The following DMGDH variants were observed in gnomAD, a reference collection of about 807,000 sequenced individuals.
DMGDH encodes the protein dimethylglycine dehydrogenase, also known as dimethylglycine dehydrogenase, mitochondrial.
DMGDH carries 76 observed loss-of-function variants against 95.2 expected under a neutral mutation model. The ratio of observed to expected loss-of-function variants is 0.80; its 90% CI spans 0.66 to 0.97. The LOEUF (loss-of-function observed/expected upper bound fraction) is 0.97, where lower values mean the gene tolerates loss of function less well. Among genes scored for constraint, DMGDH ranks in the 50% least tolerant of loss-of-function variants. The pLI is 0.00. For missense variants in DMGDH, 987 were observed against 1,055.0 expected (o/e 0.94, Z 0.89); for synonymous variants, 345 against 377.6 (o/e 0.91, Z 1.00).
intron 7 of DMGDH, among the ~76,000 whole-genome samples, chr5:79,035,012 G>C (rs370908907): frequency 1.5e-5 from 2 of 135,502 alleles, no homozygotes; most frequent in South Asian, 2.3e-4. Context: ...AGCCGAGATC[G>C]CGCCACTGCA....
intron 15 of DMGDH, among the ~76,000 whole-genome samples, chr5:78,998,737 C>T (rs1753401816): frequency 6.6e-6 from 1 of 152,134 alleles, no homozygotes; most frequent in Non-Finnish European, 1.5e-5. Flanking sequence ...ATACTCTCAG[C>T]TAATCAGAAG....
intron 14 of DMGDH, among the ~76,000 whole-genome samples, chr5:79,016,427 T>A (rs1250000397): frequency 6.6e-6 from 1 of 152,190 alleles, no homozygotes; most frequent in Non-Finnish European, 1.5e-5. Flanking sequence ...TAAGACCAAT[T>A]GTATTTCTAT....
At chr5:79,047,117 C>T (rs1446070268) in intron 5 of DMGDH, among the ~76,000 whole-genome samples, 1 of 152,142 alleles carries the variant, frequency 6.6e-6, no homozygotes, top group Non-Finnish European at 1.5e-5. Context: ...GCTAGAGTTA[C>T]ACTTCAACTC....
At chr5:78,999,604 A>G (rs1237109045) in intron 15 of DMGDH, among the ~76,000 whole-genome samples, 1 of 152,222 alleles carries the variant, frequency 6.6e-6, no homozygotes, top group Non-Finnish European at 1.5e-5. Context: ...AAGTGCTGGG[A>G]TTACAGGCAT....
At chr5:79,034,226 G>A (rs1754275934) in intron 7 of DMGDH, among the ~76,000 whole-genome samples, 1 of 152,058 alleles carries the variant, frequency 6.6e-6, no homozygotes, top group Non-Finnish European at 1.5e-5. Context: ...TGTGCGCAAG[G>A]AACTTGAGCC....
At chr5:79,022,593 A>C (rs1368770580) in intron 14 of DMGDH, among the ~76,000 whole-genome samples, 1 of 152,208 alleles carries the variant, frequency 6.6e-6, no homozygotes, top group Non-Finnish European at 1.5e-5. Flanking sequence ...ATGAGAAACA[A>C]CAATTCAGAA....
At chr5:79,001,542 G>A (rs960969529) in intron 15 of DMGDH, among the ~76,000 whole-genome samples, 20 of 152,122 alleles carry the variant, frequency 1.3e-4, no homozygotes, top group Admixed American at 1.2e-3. Flanking sequence ...TGGGTTTGGA[G>A]CCCTGGAAGA....
intron 14 of DMGDH, among the ~76,000 whole-genome samples, chr5:79,011,353 A>AAACCC (rs1016676564): frequency 5.9e-5 from 9 of 152,230 alleles, no homozygotes; most frequent in Non-Finnish European, 1.2e-4. Flanking sequence ...ACCAAACCTT[A>AAACCC]AACCCAAGCT....
chr5:79,005,491 T>C (rs1489122548), intron 14 of DMGDH, 84 bp from the exon 15 acceptor site: 2 of 1,566,834 alleles, frequency 1.3e-6, no homozygotes, highest in Admixed American at 3.5e-5. Context: ...AATTTGTCTT[T>C]CCTATTTTCT....
chr5:79,030,796 A>G, intron 10 of DMGDH, 37 bp downstream of exon 10: 2 of 1,609,276 alleles, frequency 1.2e-6, no homozygotes, highest in African/African-American at 1.3e-5. Context: ...TAAATAGGTC[A>G]GAATCCTGGA....
intron 14 of DMGDH, among the ~76,000 whole-genome samples, chr5:79,017,839 C>A (rs1210209480): frequency 6.6e-6 from 1 of 152,156 alleles, no homozygotes; most frequent in East Asian, 1.9e-4. Context: ...TTTCTATAGG[C>A]AGTTTCCACA....
At chr5:79,051,844 T>C (rs1354898645) in intron 4 of DMGDH, among the ~76,000 whole-genome samples, 1 of 152,254 alleles carries the variant, frequency 6.6e-6, no homozygotes, top group Non-Finnish European at 1.5e-5. Flanking sequence ...TTATGTTTGA[T>C]TCAATCATTC....
At chr5:79,067,532 G>C (rs1317516321) in intron 1 of DMGDH, among the ~76,000 whole-genome samples, 5 of 152,196 alleles carry the variant, frequency 3.3e-5, no homozygotes, top group Non-Finnish European at 7.3e-5. Context: ...AGCTATTTTA[G>C]AGAAATTTAC....
chr5:79,064,710 C>T (rs1024301423), intron 1 of DMGDH, among the ~76,000 whole-genome samples: 1 of 151,866 alleles, frequency 6.6e-6, no homozygotes, highest in Admixed American at 6.6e-5. Context: ...TATTCTGGAA[C>T]CTTTTTTCTA....
chr5:79,038,409 G>A (rs1370089735), intron 7 of DMGDH, among the ~76,000 whole-genome samples: 4 of 152,124 alleles, frequency 2.6e-5, no homozygotes, highest in East Asian at 1.9e-4. Context: ...GCTTGAACCC[G>A]GGAGGTGGAG....
At chr5:79,018,888 C>T (rs1187198333) in intron 14 of DMGDH, among the ~76,000 whole-genome samples, 1 of 152,108 alleles carries the variant, frequency 6.6e-6, no homozygotes, top group East Asian at 1.9e-4. Context: ...TGTATCCTGA[C>T]AGGTGTTTCA....
intron 7 of DMGDH, among the ~76,000 whole-genome samples, chr5:79,035,795 C>T (rs1754332622): frequency 6.6e-6 from 1 of 152,114 alleles, no homozygotes; most frequent in Admixed American, 6.5e-5. Context: ...AAATATTTTA[C>T]AAACAAGTTA....
Position 79,020,572 on chromosome 5 carries a change from T to G in DMGDH, c.2250+3699A>C, listed in dbSNP as rs940929196. On this transcript the variant is annotated intron_variant, in intron 14 of 15. Transcript: ENST00000255189. ...CGCTTTGCCTCTTTACCAGCTTTTT[T>G]GGGTTGTTTTGTTTTTGGTTATCGA... 8 of 772,830 alleles carry G rather than the reference T, an allele frequency of 1.0e-5. 1 individual carries two copies. Among genetic ancestry groups the G allele is most frequent in the East Asian group, 1.3e-4 (1 of 7,828 alleles). The allele number at this position is 772,830 out of a possible 1,614,324, so 47.9% of individuals were successfully genotyped here.
chr5:79,001,049 G>A (rs1041710102), intron 15 of DMGDH: 12 of 672,486 alleles, frequency 1.8e-5, no homozygotes, highest in East Asian at 5.2e-5. Context: ...ACCATTCCTC[G>A]CCATCAATGG....
Sources: gnomAD v4.1 joint callset for allele counts (sites outside exome capture counted in the v4.1 genomes callset) on GRCh38, gnomAD v4.1.1 for gene constraint, MANE v1.5 for transcripts, NCBI Gene and HGNC (gene_info 2026-07-23, HGNC 2026-07-21) for gene names.